PPP6R3: variants seen among roughly 807,000 people sequenced by gnomAD.
PPP6R3 encodes serine/threonine-protein phosphatase 6 regulatory subunit 3.
In PPP6R3, 38 loss-of-function variants were observed where a neutral mutation model predicts 110.7. That is an observed-to-expected ratio of 0.34 (90% CI 0.26 to 0.45). The LOEUF (loss-of-function observed/expected upper bound fraction) is 0.45, where lower values mean the gene tolerates loss of function less well. PPP6R3 is among the 20% of genes least tolerant of loss of function. The pLI, the probability that PPP6R3 is intolerant of heterozygous loss-of-function variation, is 1.00. For synonymous variants in PPP6R3, 369 were observed against 373.5 expected (o/e 0.99, Z 0.14); for missense variants, 870 against 1,062.4 (o/e 0.82, Z 2.52).
chr11:68,612,452 G>T (rs1380931852), intron 23 of PPP6R3, among the ~76,000 whole-genome samples: 1 of 152,126 alleles, frequency 6.6e-6, no homozygotes, highest in Non-Finnish European at 1.5e-5. Context: ...TATATATTCA[G>T]GTTGTAATTT....
chr11:68,566,314 C>T (rs2099469159), intron 9 of PPP6R3, among the ~76,000 whole-genome samples: 1 of 151,542 alleles, frequency 6.6e-6, no homozygotes, highest in Non-Finnish European at 1.5e-5. Flanking sequence ...CCTCCTCCTC[C>T]TTCCTCCTTC....
chr11:68,585,375 C>G (rs533834552), intron 15 of PPP6R3, among the ~76,000 whole-genome samples: 1 of 152,288 alleles, frequency 6.6e-6, no homozygotes, highest in Non-Finnish European at 1.5e-5. Flanking sequence ...TTTAGTTGAC[C>G]AGTAGTTTCT....
intron 9 of PPP6R3, 125 bp downstream of exon 9, chr11:68,564,557 G>A: frequency 9.7e-7 from 1 of 1,026,900 alleles, no homozygotes; most frequent in East Asian, 2.6e-5. Context: ...TGAGTGAAAA[G>A]ATAACACTGC....
At position 68,549,047 on chromosome 11, in the gene PPP6R3, C is replaced by T. The variant is rs1425981175; in HGVS notation, c.552+843C>T. 2.0e-5 allele frequency among the ~76,000 whole-genome samples: 3 copies of T among 152,268 alleles called. No individual in the cohort carries two copies. In the East Asian group the frequency reaches 5.8e-4, roughly 30 times the overall value. ...CTGGGATTATAGGTGTCCGCCACCA[C>T]ACCTGGCTAATTTTTGTGTTTTTAG... On this transcript the variant is annotated intron_variant, in intron 5 of 23. Transcript: ENST00000393800.
intron 12 of PPP6R3, 70 bp downstream of exon 12, chr11:68,571,174 C>T (rs2099504038): frequency 2.0e-6 from 3 of 1,510,072 alleles, no homozygotes; most frequent in Admixed American, 2.6e-5. Flanking sequence ...ACCTCCTTGC[C>T]CTAGTCAGAA....
chr11:68,553,494 T>C (rs2099388762), intron 6 of PPP6R3, among the ~76,000 whole-genome samples: 2 of 152,116 alleles, frequency 1.3e-5, no homozygotes, highest in Admixed American at 1.3e-4. Context: ...GGTTTCTCCA[T>C]GTTGGTCACA....
Position 68,478,647 on chromosome 11 carries a change from GTT to G in PPP6R3, c.-158+17844_-158+17845del, listed in dbSNP as rs769296530. Among the ~76,000 whole-genome samples the G allele has an allele frequency of 4.4e-3, 221 of 50,480 alleles. 1 individual carries two copies. The highest frequency in any genetic ancestry group is 5.9e-3 in the African/African-American group (61 of 10,254). 33.1% of individuals were successfully genotyped at this position (50,480 alleles called of 152,430 possible). ...ACTGATGAGTTAGTGCACTTGGTAA[GTT>G]TTTTTTTTTTTTTTTTTTTTTTTGA... On this transcript the variant is annotated intron_variant, in intron 1 of 23. Coordinates refer to ENST00000393800, the MANE Select transcript of PPP6R3 (RefSeq NM_001164161.2).
chr11:68,513,634 T>C (rs1370258477), intron 1 of PPP6R3, among the ~76,000 whole-genome samples: 1 of 152,236 alleles, frequency 6.6e-6, no homozygotes, highest in African/African-American at 2.4e-5. Context: ...AAATCTCTTC[T>C]GCCAAATTAT....
chr11:68,552,050 C>T (rs2099383282), intron 6 of PPP6R3, among the ~76,000 whole-genome samples: 1 of 152,272 alleles, frequency 6.6e-6, no homozygotes, highest in South Asian at 2.1e-4. Context: ...GAGGGAATGC[C>T]TGTTGGGACC....
chr11:68,486,539 A>C (rs948984570), intron 1 of PPP6R3, among the ~76,000 whole-genome samples: 36 of 144,224 alleles, frequency 2.5e-4, no homozygotes, highest in African/African-American at 9.3e-4. Flanking sequence ...CGGGAGGCGG[A>C]GCTTGCAGTG....
chr11:68,528,436 G>GTT (rs1475087497), intron 2 of PPP6R3, among the ~76,000 whole-genome samples: 1 of 72,796 alleles, frequency 1.4e-5, no homozygotes, highest in East Asian at 4.0e-4. Flanking sequence ...GTGTGTGTGG[G>GTT]GGGGGGGGCT....
chr11:68,486,918 TGTA>T (rs1037752111), intron 1 of PPP6R3, among the ~76,000 whole-genome samples: 1 of 152,186 alleles, frequency 6.6e-6, no homozygotes, highest in Admixed American at 6.5e-5. Flanking sequence ...CCATGGTATC[TGTA>T]GTAATGTCAT....
intron 1 of PPP6R3, among the ~76,000 whole-genome samples, chr11:68,487,599 T>G (rs1043056162): frequency 2.6e-5 from 4 of 152,202 alleles, no homozygotes; most frequent in African/African-American, 9.6e-5. Context: ...TTTTTTTATT[T>G]AGTTAAAAAT....
At chr11:68,540,312 A>G (rs893638089) in intron 3 of PPP6R3, among the ~76,000 whole-genome samples, 1 of 152,150 alleles carries the variant, frequency 6.6e-6, no homozygotes, top group Non-Finnish European at 1.5e-5. Flanking sequence ...TCCGGGGGAG[A>G]CATCACATGT....
intron 2 of PPP6R3, among the ~76,000 whole-genome samples, chr11:68,520,865 G>A (rs938822000): frequency 6.6e-6 from 1 of 152,018 alleles, no homozygotes; most frequent in African/African-American, 2.4e-5. Flanking sequence ...TCCACCTCCC[G>A]GGTTCAAGCG....
chr11:68,564,183 G>A, intron 8 of PPP6R3, 120 bp from the exon 9 acceptor site: 2 of 1,066,252 alleles, frequency 1.9e-6, no homozygotes, highest in South Asian at 3.3e-5. Flanking sequence ...TTTTTTCCTA[G>A]CCTTTTTTCC....
chr11:68,614,569 A>AT lies in PPP6R3; in HGVS notation c.*1453dup, dbSNP rs1323300415. ...AGCGTGCCTAAACATTACATTGCAT[A>AT]TGGAAATAAAAGAATCAAACGTCTA... On this transcript the variant is annotated 3_prime_UTR_variant, in exon 24 of 24. Coordinates refer to ENST00000393800, the MANE Select transcript of PPP6R3 (RefSeq NM_001164161.2). 6.6e-7 allele frequency: 1 copy of AT among 1,504,594 alleles called. No individual in the cohort carries two copies. The highest frequency in any genetic ancestry group is 8.8e-7 in the Non-Finnish European group (1 of 1,136,660). The allele number at this position is 1,504,594 out of a possible 1,614,324, so 93.2% of individuals were successfully genotyped here. A position where few individuals can be genotyped will look rare whatever the true frequency, so the allele number is the denominator to read the frequency against.
intron 4 of PPP6R3, among the ~76,000 whole-genome samples, chr11:68,545,931 T>TA (rs2099347411): frequency 1.3e-5 from 2 of 152,240 alleles, no homozygotes. Context: ...GGTGTGATGA[T>TA]ACGGGGCAAA....
chr11:68,550,143 A>G (rs1434615122), intron 5 of PPP6R3, among the ~76,000 whole-genome samples: 1 of 152,200 alleles, frequency 6.6e-6, no homozygotes, highest in Admixed American at 6.5e-5. Context: ...CAGAATATAC[A>G]TTTGAACAAG....
Sources: gnomAD v4.1 joint callset for allele counts (sites outside exome capture counted in the v4.1 genomes callset) on GRCh38, gnomAD v4.1.1 for gene constraint, MANE v1.5 for transcripts, NCBI Gene and HGNC (gene_info 2026-07-23, HGNC 2026-07-21) for gene names.